Variants in GRID2 observed in about 807,000 individuals in gnomAD.
GRID2 encodes the protein glutamate receptor ionotropic, delta-2.
Under a neutral mutation model 114.8 loss-of-function variants are expected in GRID2, and 33 were observed. That is an observed-to-expected ratio of 0.29 (90% CI 0.22 to 0.38). The LOEUF (loss-of-function observed/expected upper bound fraction) is 0.38, where lower values mean the gene tolerates loss of function less well. Ranked by LOEUF, GRID2 falls within the 10% of genes least tolerant of loss-of-function variation. The probability of loss-of-function intolerance (pLI) is 1.00; values close to 1 mark genes in which losing one functional copy is unlikely to be tolerated. For missense variants in GRID2, 1,184 were observed against 1,257.7 expected, an observed-to-expected ratio of 0.94 and a Z score of 0.89; for synonymous variants, 505 against 449.9, an observed-to-expected ratio of 1.12 and a Z score of -1.55.
chr4:93,783,997 G>T (rs1425467397), intron 1 of GRID2, among the ~76,000 whole-genome samples: 1 of 145,400 alleles, frequency 6.9e-6, no homozygotes, highest in Non-Finnish European at 1.5e-5. Flanking sequence ...GCGTGAACCC[G>T]GGAGGCGGAG....
intron 2 of GRID2, among the ~76,000 whole-genome samples, chr4:92,669,232 T>C (rs62309235): frequency 0.047 from 7,174 of 151,974 alleles, 210 homozygotes; most frequent in East Asian, 0.1. Context: ...TAATTAAACA[T>C]AGAAACTTAA....
At chr4:92,536,426 T>A (rs1384111958) in intron 1 of GRID2, among the ~76,000 whole-genome samples, 1 of 152,144 alleles carries the variant, frequency 6.6e-6, no homozygotes, top group Non-Finnish European at 1.5e-5. Context: ...CACCTCTCAC[T>A]ACGTTGCATA....
chr4:92,687,525 A>G (rs1733968644), intron 2 of GRID2, among the ~76,000 whole-genome samples: 1 of 152,128 alleles, frequency 6.6e-6, no homozygotes, highest in South Asian at 2.1e-4. Context: ...ATGTAGATAT[A>G]TTATTTAAAA....
intron 11 of GRID2, among the ~76,000 whole-genome samples, chr4:93,489,917 A>G (rs544936569): frequency 2.0e-5 from 3 of 152,040 alleles, no homozygotes; most frequent in African/African-American, 7.2e-5. Context: ...CTCTCTAGAA[A>G]GAGTCAAGGT....
At chr4:92,799,577 A>C (rs1202059985) in intron 2 of GRID2, among the ~76,000 whole-genome samples, 1 of 151,924 alleles carries the variant, frequency 6.6e-6, no homozygotes. Context: ...TCGTGTGCAC[A>C]TCCCTAGCAT....
At chr4:92,986,717 A>G (rs969919587) in intron 2 of GRID2, among the ~76,000 whole-genome samples, 3 of 152,184 alleles carry the variant, frequency 2.0e-5, no homozygotes, top group Non-Finnish European at 4.4e-5. Context: ...CAAAATACAG[A>G]CTTTTTTAAA....
chr4:93,675,773 T>C (rs1724798362), intron 14 of GRID2, among the ~76,000 whole-genome samples: 2 of 152,206 alleles, frequency 1.3e-5, no homozygotes. Context: ...CTTACTAAGC[T>C]TCTGTTTTAT....
intron 2 of GRID2, among the ~76,000 whole-genome samples, chr4:92,841,613 A>T (rs755030135): frequency 6.6e-6 from 1 of 152,092 alleles, no homozygotes; most frequent in Non-Finnish European, 1.5e-5. Flanking sequence ...AAACAGGTGC[A>T]GCATTACAAG....
At chr4:92,828,756 G>A (rs1741902800) in intron 2 of GRID2, among the ~76,000 whole-genome samples, 2 of 151,982 alleles carry the variant, frequency 1.3e-5, no homozygotes, top group Non-Finnish European at 2.9e-5. Flanking sequence ...AAATTTGCTA[G>A]CTTTTTTTAT....
chr4:92,368,326 G>A (rs1728967226), intron 1 of GRID2, among the ~76,000 whole-genome samples: 1 of 152,078 alleles, frequency 6.6e-6, no homozygotes, highest in South Asian at 2.1e-4. Context: ...GAGTGAAACA[G>A]GTGAGGCATT....
intron 13 of GRID2, among the ~76,000 whole-genome samples, chr4:93,600,233 AC>A (rs1458420645): frequency 6.6e-6 from 1 of 152,184 alleles, no homozygotes; most frequent in Non-Finnish European, 1.5e-5. Context: ...TTTTACAAAA[AC>A]AAAAAAAATT....
chr4:92,649,441 C>T (rs1387944244), intron 2 of GRID2, among the ~76,000 whole-genome samples: 2 of 151,070 alleles, frequency 1.3e-5, no homozygotes, highest in Non-Finnish European at 3.0e-5. Context: ...CTTTTCAGAC[C>T]CTCAACTGAT....
At chr4:92,358,992 A>G (rs1395871547) in intron 1 of GRID2, among the ~76,000 whole-genome samples, 1 of 151,982 alleles carries the variant, frequency 6.6e-6, no homozygotes, top group African/African-American at 2.4e-5. Flanking sequence ...AAAGCCTTAC[A>G]TAGGCAACAT....
At chr4:92,407,824 T>C (rs554234581) in intron 1 of GRID2, among the ~76,000 whole-genome samples, 1 of 152,336 alleles carries the variant, frequency 6.6e-6, no homozygotes, top group Admixed American at 6.5e-5. Context: ...TTACAGATTC[T>C]GGGTGTTAGA....
chr4:92,846,129 G>C (rs1043133573), intron 2 of GRID2, among the ~76,000 whole-genome samples: 3 of 151,980 alleles, frequency 2.0e-5, no homozygotes, highest in Non-Finnish European at 4.4e-5. Flanking sequence ...TATTCCCTGG[G>C]ATGATGTGTC....
intron 2 of GRID2, among the ~76,000 whole-genome samples, chr4:92,954,523 T>C (rs1041305116): frequency 1.3e-5 from 2 of 151,904 alleles, no homozygotes; most frequent in Admixed American, 1.3e-4. Context: ...ACCTCCCAGG[T>C]TCGCGCCATT....
chr4:93,188,100 C>G (rs578004518), intron 4 of GRID2, among the ~76,000 whole-genome samples: 6 of 152,314 alleles, frequency 3.9e-5, no homozygotes, highest in African/African-American at 1.2e-4. Flanking sequence ...GAAGGCTGTA[C>G]TATTCTGGAA....
intron 4 of GRID2, among the ~76,000 whole-genome samples, chr4:93,163,870 T>C (rs563126876): frequency 1.3e-5 from 2 of 152,112 alleles, no homozygotes; most frequent in East Asian, 1.9e-4. Context: ...GTAAGAGTTA[T>C]GAATTTGGGA....
At chr4:92,534,918 T>C (rs1725538073) in intron 1 of GRID2, among the ~76,000 whole-genome samples, 2 of 152,204 alleles carry the variant, frequency 1.3e-5, no homozygotes, top group Admixed American at 6.5e-5. Flanking sequence ...GGTTTATATC[T>C]TGAGCCCCCA....
Sources: gnomAD v4.1 joint callset for allele counts (sites outside exome capture counted in the v4.1 genomes callset) on GRCh38, gnomAD v4.1.1 for gene constraint, MANE v1.5 for transcripts, NCBI Gene and HGNC (gene_info 2026-07-23, HGNC 2026-07-21) for gene names.